The following CD2AP variants were observed in gnomAD, a reference collection of about 807,000 sequenced individuals.
CD2AP encodes the protein CD2-associated protein.
In CD2AP, 46 loss-of-function variants were observed where a neutral mutation model predicts 85.1. That is an observed-to-expected ratio of 0.54 (90% CI 0.43 to 0.69). The LOEUF (loss-of-function observed/expected upper bound fraction) is 0.69. Among genes scored for constraint, CD2AP ranks in the 30% least tolerant of loss-of-function variants. The pLI, the probability that CD2AP is intolerant of heterozygous loss-of-function variation, is 0.00. For missense variants in CD2AP, 769 were observed against 729.5 expected, an observed-to-expected ratio of 1.05 and a Z score of -0.62; for synonymous variants, 255 against 252.9, an observed-to-expected ratio of 1.01 and a Z score of -0.08.
chr6:47,526,086 G>T (rs1441129656), intron 2 of CD2AP, among the ~76,000 whole-genome samples: 1 of 152,132 alleles, frequency 6.6e-6, no homozygotes, highest in African/African-American at 2.4e-5. Context: ...AGTGAATGAA[G>T]GGCAGAGGAA....
intron 17 of CD2AP, among the ~76,000 whole-genome samples, chr6:47,613,507 C>A (rs981431379): frequency 1.2e-4 from 17 of 138,090 alleles, no homozygotes; most frequent in African/African-American, 4.2e-4. Flanking sequence ...TAAAAATAAT[C>A]CTTTTTTTTT....
In CD2AP at chr6:47,580,916, A is replaced by G. The variant is rs1011739057; in HGVS notation, c.1045+16A>G. On this transcript the variant is annotated intron_variant, in intron 10 of 17. Coordinates refer to ENST00000359314, the MANE Select transcript of CD2AP (RefSeq NM_012120.3). ...AAGGCTCCAGGTATGTAAGAAGCAT[A>G]TTATTCAGTTTGCTATTTTCCATTT... 2 of 1,575,716 alleles carry G rather than the reference A, an allele frequency of 1.3e-6. No homozygotes were observed. Among genetic ancestry groups the G allele is most frequent in the East Asian group, 2.2e-5 (1 of 44,626 alleles).
At chr6:47,544,275 T>C (rs373503672) in intron 3 of CD2AP, among the ~76,000 whole-genome samples, 87 of 152,292 alleles carry the variant, frequency 5.7e-4, no homozygotes, top group African/African-American at 1.8e-3. Context: ...CTAGAGGACT[T>C]GTCTATGATG....
At chr6:47,584,891 A>G (rs568005736) in intron 11 of CD2AP, among the ~76,000 whole-genome samples, 2 of 152,142 alleles carry the variant, frequency 1.3e-5, no homozygotes, top group South Asian at 4.2e-4. Context: ...TGGCTTTATT[A>G]TCTATTTTTT....
At position 47,503,421 on chromosome 6, in the gene CD2AP, TC is replaced by T; in HGVS notation, c.149del (p.Pro50LeufsTer29). 6.2e-7 allele frequency: 1 copy of T among 1,613,854 alleles called. No homozygotes were observed. Among genetic ancestry groups the T allele is most frequent in the Non-Finnish European group, 8.5e-7 (1 of 1,179,826 alleles). On this transcript the variant is annotated frameshift_variant, in exon 2 of 18. Transcript: ENST00000359314. LOFTEE classifies it high-confidence loss of function. ...GAACTAAATGGGAGAAGAGGAATGT[TC>T]CCTGACAATTTCGTTAAGGTAAGTA... is the stretch of plus-strand genomic sequence containing the variant. ...EGELNGRRGM[F>X]PDNFVKEIKR...
intron 1 of CD2AP, among the ~76,000 whole-genome samples, chr6:47,496,973 T>C (rs891759339): frequency 2.0e-5 from 3 of 152,174 alleles, no homozygotes; most frequent in Non-Finnish European, 4.4e-5. Context: ...TACTCTTTCC[T>C]TTACGAACCT....
chr6:47,566,144 A>G (rs746283799), intron 5 of CD2AP, among the ~76,000 whole-genome samples: 1 of 151,498 alleles, frequency 6.6e-6, no homozygotes, highest in South Asian at 2.1e-4. Context: ...CTCAGAAATC[A>G]CCTTATCAGT....
In CD2AP at chr6:47,612,495, A is replaced by G; in HGVS notation, c.1837A>G (p.Lys613Glu). 1 of 1,607,054 alleles carries G rather than the reference A, an allele frequency of 6.2e-7. No individual in the cohort carries two copies. The highest frequency in any genetic ancestry group is 1.1e-5 in the South Asian group (1 of 90,922). The change falls in exon 17 of 18, where the codon AAA becomes GAA. Residue 613 changes from lysine (K) to glutamate (E), a missense_variant. Coordinates refer to ENST00000359314, the MANE Select transcript of CD2AP (RefSeq NM_012120.3). ...TAGGAAAGAACTGGAAAAACTGCGAAAAGATTTGGAAGAAGAGAAGACAAT... is the reference window on the plus strand; with the variant it reads ...TAGGAAAGAACTGGAAAAACTGCGAGAAGATTTGGAAGAAGAGAAGACAAT... ...DHGKELEKLR[K>E]DLEEEKTMRS...
intron 1 of CD2AP, among the ~76,000 whole-genome samples, chr6:47,485,153 GTTATT>G (rs975717451): frequency 2.0e-5 from 3 of 152,064 alleles, no homozygotes; most frequent in African/African-American, 7.2e-5. Flanking sequence ...TTTTTTAATT[GTTATT>G]TTACAGAGTA....
At chr6:47,579,295 A>G (rs1249120876) in intron 8 of CD2AP, 90 bp from the exon 9 acceptor site, 1 of 772,390 alleles carries the variant, frequency 1.3e-6, no homozygotes, top group Non-Finnish European at 2.2e-6. Context: ...TGATCGCATC[A>G]CTGCACTTCA....
intron 5 of CD2AP, among the ~76,000 whole-genome samples, chr6:47,557,505 A>G (rs867880953): frequency 2.6e-5 from 4 of 152,228 alleles, no homozygotes; most frequent in African/African-American, 9.6e-5. Context: ...TTTTTGTATA[A>G]GGTATAAGGA....
At chr6:47,503,648 G>A (rs1049742956) in intron 2 of CD2AP, among the ~76,000 whole-genome samples, 2 of 152,124 alleles carry the variant, frequency 1.3e-5, no homozygotes, top group Admixed American at 6.5e-5. Flanking sequence ...ATGTGTTTGT[G>A]TATATATGCT....
chr6:47,580,901 G>T lies in CD2AP; in HGVS notation c.1045+1G>T, dbSNP rs1393955970. 6.3e-7 allele frequency: 1 copy of T among 1,599,826 alleles called. No individual in the cohort carries two copies. Among genetic ancestry groups the T allele is most frequent in the East Asian group, 2.2e-5 (1 of 44,720 alleles). On this transcript the variant is annotated splice_donor_variant, in intron 10 of 17. Coordinates refer to ENST00000359314, the MANE Select transcript of CD2AP (RefSeq NM_012120.3). LOFTEE classifies it high-confidence loss of function. The stretch of plus-strand genomic sequence containing the variant: ...CCACCACCTCCTGCTAAGGCTCCAG[G>T]TATGTAAGAAGCATATTATTCAGTT...
chr6:47,491,380 C>G (rs2113967529), intron 1 of CD2AP, among the ~76,000 whole-genome samples: 1 of 150,966 alleles, frequency 6.6e-6, no homozygotes, highest in Non-Finnish European at 1.5e-5. Context: ...GAGAGTAAAG[C>G]TTGTAATTTT....
At chr6:47,485,489 A>T (rs984559716) in intron 1 of CD2AP, among the ~76,000 whole-genome samples, 1 of 152,356 alleles carries the variant, frequency 6.6e-6, no homozygotes, top group South Asian at 2.1e-4. Context: ...GTTGTAAACT[A>T]AATGTTATTA....
intron 5 of CD2AP, among the ~76,000 whole-genome samples, chr6:47,561,380 G>T (rs1197679956): frequency 1.3e-5 from 2 of 151,782 alleles, no homozygotes; most frequent in South Asian, 2.1e-4. Flanking sequence ...ATTATTTTCT[G>T]TGAACTTCCT....
chr6:47,619,784 G>A (rs1296267078), intron 17 of CD2AP, among the ~76,000 whole-genome samples: 6 of 152,196 alleles, frequency 3.9e-5, no homozygotes, highest in Non-Finnish European at 7.4e-5. Flanking sequence ...AGGTGGTATC[G>A]GATTGTGGTT....
intron 17 of CD2AP, 39 bp downstream of exon 17, chr6:47,612,575 T>G: frequency 7.0e-7 from 1 of 1,423,238 alleles, no homozygotes; most frequent in Non-Finnish European, 9.9e-7. Flanking sequence ...TTAGTGAGCA[T>G]AAACTGGACA....
At chr6:47,538,938 T>C (rs1357575833) in intron 3 of CD2AP, among the ~76,000 whole-genome samples, 1 of 152,210 alleles carries the variant, frequency 6.6e-6, no homozygotes, top group East Asian at 1.9e-4. Context: ...CAATTTGGTT[T>C]TGTTTTTTTA....
Sources: allele counts gnomAD v4.1 joint callset (sites outside exome capture counted in the v4.1 genomes callset), GRCh38; gene constraint gnomAD v4.1.1; transcripts MANE v1.5; gene names NCBI Gene and HGNC (gene_info 2026-07-23, HGNC 2026-07-21).